Variants in SGK1 observed in about 807,000 individuals in gnomAD.
SGK1 encodes the protein serum/glucocorticoid regulated kinase 1.
Under a neutral mutation model 64.2 loss-of-function variants are expected in SGK1, and 26 were observed. The ratio of observed to expected loss-of-function variants is 0.40; its 90% confidence interval spans 0.30 to 0.56. The LOEUF is 0.56. SGK1 is among the 20% of genes least tolerant of loss of function. The pLI is 0.38. For synonymous variants in SGK1, 265 were observed against 239.7 expected, an observed-to-expected ratio of 1.11 and a Z score of -0.98; for missense variants, 519 against 645.6, an observed-to-expected ratio of 0.80 and a Z score of 2.12.
rs753757475 is a variant in SGK1, at chr6:134,171,747, AG to A, written c.1072-16del. The A allele has an allele frequency of 1.3e-6, 2 of 1,576,166 alleles. No homozygotes were observed. Among genetic ancestry groups the A allele is most frequent in the Middle Eastern group, 1.7e-4 (1 of 5,978 alleles). ...GGTGCGAGATACTGAAAAACAGACC[AG>A]GGAAACAGCGTTTAGAACCTGCGAA... On this transcript the variant is annotated splice_polypyrimidine_tract_variant and intron_variant, in intron 10 of 13. Transcript: ENST00000367858.
intron 2 of SGK1, among the ~76,000 whole-genome samples, chr6:134,258,549 A>T (rs1277733013): frequency 6.6e-6 from 1 of 152,130 alleles, no homozygotes; most frequent in Non-Finnish European, 1.5e-5. Context: ...TACTAAAAAC[A>T]CAAAAATTCG....
intron 1 of SGK1, chr6:134,297,356 C>T (rs1777373764): frequency 6.3e-6 from 6 of 945,282 alleles, no homozygotes; most frequent in Non-Finnish European, 8.5e-6. Flanking sequence ...GGGCGGCCTC[C>T]AGCTCAGACA....
At chr6:134,188,776 AG>A (rs1443711189) in intron 3 of SGK1, among the ~76,000 whole-genome samples, 1 of 151,982 alleles carries the variant, frequency 6.6e-6, no homozygotes, top group Non-Finnish European at 1.5e-5. Context: ...TTTGTCACCC[AG>A]GCTGGAGTGC....
chr6:134,272,537 G>T (rs1776956156), intron 1 of SGK1, among the ~76,000 whole-genome samples: 1 of 146,420 alleles, frequency 6.8e-6, no homozygotes, highest in African/African-American at 2.5e-5. Context: ...CCTTGTTCTT[G>T]CAATATCTCT....
At chr6:134,306,065 G>A (rs931884290) in intron 1 of SGK1, among the ~76,000 whole-genome samples, 3 of 152,110 alleles carry the variant, frequency 2.0e-5, no homozygotes, top group African/African-American at 4.8e-5. Context: ...ATTAATTAAT[G>A]CTGAAGGCAT....
At chr6:134,234,705 C>G (rs1430271632) in intron 2 of SGK1, among the ~76,000 whole-genome samples, 1 of 152,000 alleles carries the variant, frequency 6.6e-6, no homozygotes, top group Non-Finnish European at 1.5e-5. Context: ...GGTGAAACCC[C>G]ATCTCCACTA....
intron 1 of SGK1, among the ~76,000 whole-genome samples, chr6:134,293,010 CTT>C (rs1189246489): frequency 6.6e-6 from 1 of 152,204 alleles, no homozygotes; most frequent in African/African-American, 2.4e-5. Flanking sequence ...GGATAACTCT[CTT>C]GTTTCCAGAC....
intron 2 of SGK1, among the ~76,000 whole-genome samples, chr6:134,237,493 T>G (rs1776383264): frequency 6.6e-6 from 1 of 152,026 alleles, no homozygotes; most frequent in Non-Finnish European, 1.5e-5. Context: ...CTGGCCAACA[T>G]GGTGAAACCC....
intron 2 of SGK1, among the ~76,000 whole-genome samples, chr6:134,231,901 G>A (rs896913219): frequency 1.3e-5 from 2 of 151,338 alleles, no homozygotes; most frequent in Admixed American, 1.3e-4. Flanking sequence ...TTAGCCAGGC[G>A]TGGTGGCAGA....
chr6:134,172,115 G>T, intron 10 of SGK1, 78 bp downstream of exon 10: 1 of 1,488,440 alleles, frequency 6.7e-7, no homozygotes, highest in Non-Finnish European at 9.2e-7. Flanking sequence ...TACTCTTTTT[G>T]GTAGTTAAGT....
At chr6:134,213,081 G>C (rs577965712) in intron 2 of SGK1, among the ~76,000 whole-genome samples, 1 of 152,032 alleles carries the variant, frequency 6.6e-6, no homozygotes, top group Non-Finnish European at 1.5e-5. Context: ...AAGCATCCGC[G>C]GCAAATTACC....
intron 1 of SGK1, among the ~76,000 whole-genome samples, chr6:134,269,594 G>T (rs1776909254): frequency 6.9e-6 from 1 of 145,754 alleles, no homozygotes; most frequent in Admixed American, 7.1e-5. Context: ...GGAGCCGGAG[G>T]TGGCAGTGAG....
chr6:134,253,187 A>G (rs1383210691), intron 2 of SGK1, among the ~76,000 whole-genome samples: 2 of 152,206 alleles, frequency 1.3e-5, no homozygotes, highest in African/African-American at 2.4e-5. Flanking sequence ...AACAAGAGAC[A>G]TGGGTCAGAA....
At chr6:134,298,600 TG>T in intron 1 of SGK1, 1 of 1,018,598 alleles carries the variant, frequency 9.8e-7, no homozygotes, top group Non-Finnish European at 1.5e-6. Context: ...GAGGAGCTGA[TG>T]CAGGTACTGG....
chr6:134,255,574 A>ATTTTTTT lies in SGK1; in HGVS notation c.285+6352_285+6358dup, dbSNP rs11318242. On this transcript the variant is annotated intron_variant, in intron 2 of 13. Coordinates refer to ENST00000367858, the MANE Select transcript of SGK1 (RefSeq NM_001143676.3). Reference sequence around the variant, plus strand: ...AAACAAACAAAGGCAAGAGATTTTGATTTTTTTTTTTTTTTTTTTTTTTTG... The same window carrying ATTTTTTT: ...AAACAAACAAAGGCAAGAGATTTTGATTTTTTTTTTTTTTTTTTTTTTTTTTTTTTTG... 2.5e-4 allele frequency among the ~76,000 whole-genome samples: 20 copies of ATTTTTTT among 78,844 alleles called. 1 individual carries two copies. The highest frequency in any genetic ancestry group is 1.2e-3 in the East Asian group (3 of 2,590). 51.7% of individuals were successfully genotyped at this position (78,844 alleles called of 152,430 possible).
chr6:134,254,213 T>C (rs937512079), intron 2 of SGK1, among the ~76,000 whole-genome samples: 1 of 151,424 alleles, frequency 6.6e-6, no homozygotes. Context: ...TTAGCACATG[T>C]ATGCAAGGTC....
At chr6:134,299,815 T>A (rs1777418596) in intron 1 of SGK1, among the ~76,000 whole-genome samples, 1 of 151,874 alleles carries the variant, frequency 6.6e-6, no homozygotes, top group Non-Finnish European at 1.5e-5. Context: ...TTTTTTTTTT[T>A]TTTGCCCTGA....
In SGK1 at chr6:134,283,778, C is replaced by G. The variant is rs1777132210; in HGVS notation, c.70-21630G>C. 2.1e-5 allele frequency among the ~76,000 whole-genome samples: 3 copies of G among 143,904 alleles called. No homozygotes were observed. The South Asian group carries it at 6.6e-4, about 32-fold the overall frequency. 94.4% of individuals were successfully genotyped at this position (143,904 alleles called of 152,430 possible). ...GGAGGATCTCTTGAGCCCAGAAGGT[C>G]AAGGCTGCAGTGAAGTTGAGGCTGC... On this transcript the variant is annotated intron_variant, in intron 1 of 13. Coordinates refer to ENST00000367858, the MANE Select transcript of SGK1 (RefSeq NM_001143676.3).
intron 1 of SGK1, among the ~76,000 whole-genome samples, chr6:134,294,825 G>A (rs1777321626): frequency 6.6e-6 from 1 of 152,208 alleles, no homozygotes; most frequent in Admixed American, 6.5e-5. Context: ...ACCACGCCCA[G>A]CCAGTGAATC....
Sources: gnomAD v4.1 joint callset for allele counts (sites outside exome capture counted in the v4.1 genomes callset) on GRCh38, gnomAD v4.1.1 for gene constraint, MANE v1.5 for transcripts, NCBI Gene and HGNC (gene_info 2026-07-23, HGNC 2026-07-21) for gene names.